CTNNA3: variants seen among roughly 807,000 people sequenced by gnomAD.
The protein encoded by CTNNA3 is catenin alpha 3.
Under a neutral mutation model 95.7 loss-of-function variants are expected in CTNNA3, and 76 were observed. The observed-to-expected ratio is 0.79, with a 90% CI of 0.66 to 0.96. CTNNA3 has a LOEUF of 0.96. CTNNA3 is among the 40% of genes least tolerant of loss of function. The pLI is 0.00. For missense variants in CTNNA3, 1,191 were observed against 1,089.8 expected, an observed-to-expected ratio of 1.09 and a Z score of -1.31; for synonymous variants, 431 against 374.4, an observed-to-expected ratio of 1.15 and a Z score of -1.74.
intron 7 of CTNNA3, among the ~76,000 whole-genome samples, chr10:66,961,202 T>C (rs1412807571): frequency 1.3e-5 from 2 of 152,184 alleles, no homozygotes; most frequent in East Asian, 3.8e-4. Flanking sequence ...TAGTCTATTA[T>C]GACAATATTG....
intron 7 of CTNNA3, among the ~76,000 whole-genome samples, chr10:66,845,729 A>AAAAAAAAAAAAAAAAAAC (rs1297933220): frequency 6.8e-5 from 6 of 87,738 alleles, no homozygotes; most frequent in East Asian, 2.6e-4. Flanking sequence ...AAAAAAAAAA[A>AAAAAAAAAAAAAAAAAAC]CTAAAAAGGT....
intron 13 of CTNNA3, among the ~76,000 whole-genome samples, chr10:66,256,140 C>T (rs1016253785): frequency 6.6e-6 from 1 of 152,056 alleles, no homozygotes; most frequent in Non-Finnish European, 1.5e-5. Flanking sequence ...TGAAAAAGAC[C>T]GTAAGAAAAC....
At chr10:67,642,039 G>A (rs531555721) in intron 2 of CTNNA3, among the ~76,000 whole-genome samples, 13 of 152,030 alleles carry the variant, frequency 8.6e-5, no homozygotes, top group Non-Finnish European at 1.8e-4. Context: ...AAAAACCCAA[G>A]ATGGATTAAA....
chr10:67,304,801 T>A (rs1840470908), intron 5 of CTNNA3, among the ~76,000 whole-genome samples: 2 of 151,996 alleles, frequency 1.3e-5, no homozygotes, highest in Admixed American at 1.3e-4. Flanking sequence ...TAGTATTTCA[T>A]CAAGGTACAA....
chr10:67,159,130 C>T (rs934889020), intron 7 of CTNNA3, among the ~76,000 whole-genome samples: 1 of 152,140 alleles, frequency 6.6e-6, no homozygotes, highest in African/African-American at 2.4e-5. Flanking sequence ...TATAGAACAA[C>T]ACTGTGAAAC....
chr10:66,831,914 G>T (rs1842733223), intron 7 of CTNNA3, among the ~76,000 whole-genome samples: 1 of 152,090 alleles, frequency 6.6e-6, no homozygotes. Flanking sequence ...TGAGGATAAG[G>T]CAAGCAGATT....
At chr10:66,027,405 C>T (rs992965754) in intron 15 of CTNNA3, among the ~76,000 whole-genome samples, 7 of 152,052 alleles carry the variant, frequency 4.6e-5, no homozygotes, top group Admixed American at 1.3e-4. Flanking sequence ...TAATCATCAT[C>T]AACAACAACT....
chr10:66,219,583 G>T, intron 13 of CTNNA3, among the ~76,000 whole-genome samples: 1 of 151,886 alleles, frequency 6.6e-6, no homozygotes, highest in East Asian at 1.9e-4. Flanking sequence ...ACAGCCACAT[G>T]AGAAACCTTA....
chr10:67,675,064 T>C (rs1840510937), intron 1 of CTNNA3, among the ~76,000 whole-genome samples: 1 of 152,162 alleles, frequency 6.6e-6, no homozygotes, highest in East Asian at 1.9e-4. Context: ...ACCCAGTAAC[T>C]AGTGAAGAAA....
chr10:66,583,083 T>C (rs2631223), intron 10 of CTNNA3, among the ~76,000 whole-genome samples: 102,374 of 151,506 alleles, frequency 0.68, 35,981 homozygotes, highest in Non-Finnish European at 0.78. Flanking sequence ...CATCAGAGAT[T>C]TGGTCTGTAG....
At chr10:66,509,142 G>T (rs1840568678) in intron 11 of CTNNA3, among the ~76,000 whole-genome samples, 1 of 152,066 alleles carries the variant, frequency 6.6e-6, no homozygotes, top group Admixed American at 6.6e-5. Flanking sequence ...GATGATTAGT[G>T]ATTTTGAGCA....
chr10:67,400,455 G>A (rs181773809), intron 5 of CTNNA3, among the ~76,000 whole-genome samples: 109 of 152,104 alleles, frequency 7.2e-4, no homozygotes, highest in Non-Finnish European at 1.3e-3. Context: ...AGCAATTCAC[G>A]GGAAAATAAT....
intron 7 of CTNNA3, among the ~76,000 whole-genome samples, chr10:66,851,391 T>C (rs561069423): frequency 1.3e-5 from 2 of 152,216 alleles, no homozygotes; most frequent in South Asian, 4.2e-4. Flanking sequence ...AACGCTGTTT[T>C]TTAAAATTGT....
intron 5 of CTNNA3, among the ~76,000 whole-genome samples, chr10:67,274,679 A>T (rs548143309): frequency 6.6e-6 from 1 of 152,190 alleles, no homozygotes; most frequent in African/African-American, 2.4e-5. Flanking sequence ...ATACAAAAAA[A>T]TTAGCTGAGC....
chr10:67,261,313 G>A (rs1378503730), intron 5 of CTNNA3, among the ~76,000 whole-genome samples: 2 of 152,144 alleles, frequency 1.3e-5, no homozygotes, highest in African/African-American at 4.8e-5. Flanking sequence ...GGACAGAAGT[G>A]CTCAGCAAAC....
intron 5 of CTNNA3, among the ~76,000 whole-genome samples, chr10:67,297,137 G>A (rs979633229): frequency 1.1e-4 from 17 of 152,026 alleles, no homozygotes; most frequent in African/African-American, 3.1e-4. Flanking sequence ...GCTGGAAAAA[G>A]TTGACTGACA....
At chr10:66,636,866 G>T (rs1471065549) in intron 9 of CTNNA3, among the ~76,000 whole-genome samples, 1 of 152,154 alleles carries the variant, frequency 6.6e-6, no homozygotes, top group East Asian at 1.9e-4. Context: ...AAAACATTTA[G>T]AGCTATTAAT....
At chr10:66,031,200 T>C (rs1009527852) in intron 15 of CTNNA3, among the ~76,000 whole-genome samples, 2 of 152,140 alleles carry the variant, frequency 1.3e-5, no homozygotes, top group African/African-American at 4.8e-5. Flanking sequence ...GCAATCCTAT[T>C]ATTGGGTACA....
chr10:66,854,307 T>C (rs956572219), intron 7 of CTNNA3, among the ~76,000 whole-genome samples: 66 of 96,784 alleles, frequency 6.8e-4, no homozygotes, highest in Non-Finnish European at 1.1e-3. Flanking sequence ...CTTAATCAAA[T>C]TGTTGCTTTC....
Sources: gnomAD v4.1 joint callset for allele counts (sites outside exome capture counted in the v4.1 genomes callset) on GRCh38, gnomAD v4.1.1 for gene constraint, MANE v1.5 for transcripts, NCBI Gene and HGNC (gene_info 2026-07-23, HGNC 2026-07-21) for gene names.